Variants in TLN2 observed in about 807,000 individuals in gnomAD.
The protein encoded by TLN2 is talin-2.
Under a neutral mutation model 294.7 loss-of-function variants are expected in TLN2, and 118 were observed. That is an observed-to-expected ratio of 0.40 (90% CI 0.34 to 0.47). The LOEUF is 0.47. Among genes scored for constraint, TLN2 ranks in the 20% least tolerant of loss-of-function variants. TLN2 has a pLI of 0.84. For missense variants in TLN2, 3,083 were observed against 3,282.2 expected (o/e 0.94, Z 1.48); for synonymous variants, 1,431 against 1,304.5 (o/e 1.10, Z -2.09).
intron 26 of TLN2, among the ~76,000 whole-genome samples, chr15:62,723,942 A>T (rs1450932003): frequency 6.6e-6 from 1 of 151,848 alleles, no homozygotes; most frequent in Non-Finnish European, 1.5e-5. Context: ...TGAGTCCAGG[A>T]GTTCAAGACC....
At chr15:62,700,888 A>T (rs1409028979) in intron 16 of TLN2, among the ~76,000 whole-genome samples, 1 of 152,186 alleles carries the variant, frequency 6.6e-6, no homozygotes, top group Non-Finnish European at 1.5e-5. Context: ...AACATAATTA[A>T]CATAAGACAC....
chr15:62,742,112 C>A (rs1206323809), intron 32 of TLN2, among the ~76,000 whole-genome samples: 1 of 150,222 alleles, frequency 6.7e-6, no homozygotes, highest in East Asian at 2.0e-4. Flanking sequence ...TGCTTGCAAA[C>A]CCTTGAGTTT....
chr15:62,798,104 C>T (rs1006294342), intron 48 of TLN2, among the ~76,000 whole-genome samples: 3 of 152,098 alleles, frequency 2.0e-5, no homozygotes, highest in Non-Finnish European at 2.9e-5. Context: ...TGGCCTGTTC[C>T]GGTAACCATC....
intron 1 of TLN2, among the ~76,000 whole-genome samples, chr15:62,517,384 A>C (rs2094087471): frequency 1.3e-5 from 2 of 152,236 alleles, no homozygotes; most frequent in African/African-American, 2.4e-5. Flanking sequence ...TTTTTGCTTG[A>C]AAAATAACTG....
intron 16 of TLN2, among the ~76,000 whole-genome samples, chr15:62,700,531 G>C (rs2058648920): frequency 6.6e-6 from 1 of 152,202 alleles, no homozygotes; most frequent in Non-Finnish European, 1.5e-5. Flanking sequence ...TCACCTGCTA[G>C]TGGTAGATCT....
chr15:62,713,542 G>T (rs974765382), intron 22 of TLN2, among the ~76,000 whole-genome samples: 2 of 152,004 alleles, frequency 1.3e-5, no homozygotes, highest in African/African-American at 4.8e-5. Context: ...AGCCAGGCTT[G>T]GTGGCACATG....
At chr15:62,404,507 C>A (rs560802037) in intron 1 of TLN2, among the ~76,000 whole-genome samples, 1 of 152,132 alleles carries the variant, frequency 6.6e-6, no homozygotes, top group Admixed American at 6.5e-5. Flanking sequence ...GCCCTCTCTG[C>A]GCTGCTTTCA....
At chr15:62,681,969 G>C (rs2056871869) in intron 11 of TLN2, among the ~76,000 whole-genome samples, 1 of 151,970 alleles carries the variant, frequency 6.6e-6, no homozygotes, top group African/African-American at 2.4e-5. Context: ...TGCTCAGTCT[G>C]GTCTTGAGCT....
At chr15:62,579,262 G>A (rs2044704037) in intron 1 of TLN2, among the ~76,000 whole-genome samples, 2 of 152,140 alleles carry the variant, frequency 1.3e-5, no homozygotes, top group Non-Finnish European at 2.9e-5. Context: ...TACATCAGGT[G>A]GCAATTTTAT....
intron 33 of TLN2, among the ~76,000 whole-genome samples, chr15:62,749,930 A>T (rs1410339643): frequency 6.6e-6 from 1 of 152,190 alleles, no homozygotes; most frequent in Non-Finnish European, 1.5e-5. Flanking sequence ...AGTTTGGGGG[A>T]ATTACCTTCT....
chr15:62,566,018 C>A (rs2043363896), intron 1 of TLN2, among the ~76,000 whole-genome samples: 1 of 151,612 alleles, frequency 6.6e-6, no homozygotes, highest in African/African-American at 2.4e-5. Context: ...TGAGGAAAAG[C>A]AAGGTAACCC....
At position 62,647,419 on chromosome 15, in the gene TLN2, C is replaced by A; in HGVS notation, c.109C>A (p.Arg37=). Residue 37 remains arginine, a synonymous_variant, in exon 4 of 59, where the codon CGG becomes AGG. Transcript: ENST00000636159. ...VYDACRVIRE[R]VPEAQTGQAS... is the part of the protein sequence containing the mutation. ...CGATGCGTGTCGAGTCATTCGGGAA[C>A]GGGTGCCTGAGGCACAAACTGGGCA... is the stretch of plus-strand genomic sequence containing the variant. 6.2e-7 allele frequency: 1 copy of A among 1,614,222 alleles called. No individual in the cohort carries two copies. The highest frequency in any genetic ancestry group is 8.5e-7 in the Non-Finnish European group (1 of 1,180,022).
At chr15:62,616,298 T>C (rs895165986) in intron 2 of TLN2, among the ~76,000 whole-genome samples, 2 of 152,360 alleles carry the variant, frequency 1.3e-5, no homozygotes, top group South Asian at 2.1e-4. Context: ...TCTTATGTCA[T>C]GTCTGTTTTA....
Position 62,471,678 on chromosome 15 carries a change from C to G in TLN2, c.-238+80993C>G, listed in dbSNP as rs866970912. 1.9e-4 allele frequency among the ~76,000 whole-genome samples: 29 copies of G among 152,274 alleles called. 1 individual carries two copies. The highest frequency in any genetic ancestry group is 4.1e-4 in the Non-Finnish European group (28 of 68,024). ...AGCCCCTTATCTGGGGCCTGGCACC[C>G]AAGAGTCATGCTATGGAGGATCTGG... On this transcript the variant is annotated intron_variant, in intron 1 of 58. Transcript: ENST00000636159.
rs1357440219 is a variant in TLN2, at chr15:62,747,548, G to A, written c.4026-803G>A. On this transcript the variant is annotated intron_variant, in intron 32 of 58. Coordinates refer to ENST00000636159, the MANE Select transcript of TLN2 (RefSeq NM_015059.3). ...TTATCTTGTTCCATGGGGTTATCTT[G>A]TTCCATGGGGACTGCTGATGAAGGG... Among the ~76,000 whole-genome samples, 3 of 152,106 alleles carry A rather than the reference G, an allele frequency of 2.0e-5. No homozygotes were observed. The East Asian group carries it at 5.8e-4, about 29-fold the overall frequency.
intron 1 of TLN2, among the ~76,000 whole-genome samples, chr15:62,392,376 G>A (rs953548291): frequency 6.6e-6 from 1 of 152,204 alleles, no homozygotes; most frequent in African/African-American, 2.4e-5. Context: ...TCTTGGAGAA[G>A]TGGTCCCCAA....
At chr15:62,822,409 A>G (rs1348645675) in intron 54 of TLN2, among the ~76,000 whole-genome samples, 1 of 152,264 alleles carries the variant, frequency 6.6e-6, no homozygotes, top group Non-Finnish European at 1.5e-5. Context: ...AAAGAAAACC[A>G]GGAAGCTCGC....
intron 1 of TLN2, among the ~76,000 whole-genome samples, chr15:62,444,523 AG>A (rs1315667319): frequency 6.6e-6 from 1 of 152,260 alleles, no homozygotes; most frequent in Non-Finnish European, 1.5e-5. Flanking sequence ...TGCTTTCTAA[AG>A]AACCCTCATT....
intron 1 of TLN2, among the ~76,000 whole-genome samples, chr15:62,442,492 C>CA (rs756778889): frequency 0.59 from 38,643 of 65,270 alleles, 11,352 homozygotes; most frequent in Middle Eastern, 0.69. Context: ...GACTCTGTCT[C>CA]AGAAAAAAAA....
Sources: allele counts gnomAD v4.1 joint callset (sites outside exome capture counted in the v4.1 genomes callset), GRCh38; gene constraint gnomAD v4.1.1; transcripts MANE v1.5; gene names NCBI Gene and HGNC (gene_info 2026-07-23, HGNC 2026-07-21).